Variants in TRIQK observed in about 807,000 individuals in gnomAD.
The protein encoded by TRIQK is triple QxxK/R motif containing.
In TRIQK, 10 loss-of-function variants were observed where a neutral mutation model predicts 10.8. The ratio of observed to expected loss-of-function variants is 0.92; its 90% CI spans 0.57 to 1.57. TRIQK has a LOEUF of 1.57. TRIQK is among the 40% of genes most tolerant of loss of function. The pLI is 0.00. For missense variants in TRIQK, 107 were observed against 97.7 expected, an observed-to-expected ratio of 1.09 and a Z score of -0.40; for synonymous variants, 33 against 33.7, an observed-to-expected ratio of 0.98 and a Z score of 0.07.
chr8:92,975,560 T>C (rs1025299860), intron 1 of TRIQK, among the ~76,000 whole-genome samples: 6 of 152,120 alleles, frequency 3.9e-5, no homozygotes, highest in African/African-American at 1.4e-4. Context: ...GTAGTGGCAG[T>C]TTGTCTTATT....
intron 3 of TRIQK, among the ~76,000 whole-genome samples, chr8:92,898,973 G>C (rs1004833074): frequency 1.4e-5 from 2 of 147,150 alleles, no homozygotes. Flanking sequence ...TCCTTTCTTT[G>C]TGTTGCAAAC....
chr8:92,945,879 A>G (rs567081736), intron 2 of TRIQK, among the ~76,000 whole-genome samples: 29 of 152,186 alleles, frequency 1.9e-4, no homozygotes, highest in African/African-American at 7.0e-4. Context: ...AGCAAAGAAT[A>G]GAATATAAAA....
At chr8:92,960,449 C>G (rs939876024) in intron 1 of TRIQK, 2 of 151,986 alleles carry the variant, frequency 1.3e-5, no homozygotes, top group Admixed American at 6.6e-5. Flanking sequence ...ATAATGTTCC[C>G]CCAATCCAAA....
In TRIQK at chr8:92,891,975, A is replaced by T; in HGVS notation, c.147+14T>A. 6.6e-7 allele frequency: 1 copy of T among 1,520,184 alleles called. No individual in the cohort carries two copies. The highest frequency in any genetic ancestry group is 2.5e-5 in the East Asian group (1 of 40,600). 94.2% of individuals were successfully genotyped at this position (1,520,184 alleles called of 1,614,324 possible). Reference sequence around the variant, plus strand: ...GCACATATCAAATTTTAAAGTTATCAAATAGAGGTTTACCTTTATGCCTAT... The same window carrying T: ...GCACATATCAAATTTTAAAGTTATCTAATAGAGGTTTACCTTTATGCCTAT... On this transcript the variant is annotated intron_variant, in intron 4 of 4. Coordinates refer to ENST00000521988, the MANE Select transcript of TRIQK (RefSeq NM_001171797.2).
At chr8:93,008,659 A>C (rs1289684310) in intron 1 of TRIQK, among the ~76,000 whole-genome samples, 1 of 152,242 alleles carries the variant, frequency 6.6e-6, no homozygotes, top group East Asian at 1.9e-4. Context: ...GGAAAAGATT[A>C]AACAGCTCAG....
At chr8:92,922,495 T>A (rs1045493755) in intron 2 of TRIQK, 3 of 151,830 alleles carry the variant, frequency 2.0e-5, no homozygotes, top group Non-Finnish European at 4.4e-5. Flanking sequence ...TGAGGCTATC[T>A]GCCAAAATGG....
In TRIQK at chr8:92,930,624, A is replaced by C. The variant is rs374521282; in HGVS notation, c.-21-13614T>G. ...AGGAATGAGAAGAAGCAAGGGTACC[A>C]TTAGCTTCAGGGATTCTGAGGTTCA... On this transcript the variant is annotated intron_variant, in intron 2 of 4. Coordinates refer to ENST00000521988, the MANE Select transcript of TRIQK (RefSeq NM_001171797.2). Among the ~76,000 whole-genome samples, 3 of 152,098 alleles carry C rather than the reference A, an allele frequency of 2.0e-5. No individual in the cohort carries two copies. The South Asian group carries it at 6.2e-4, about 31-fold the overall frequency.
At chr8:92,950,091 A>G (rs1489356339) in intron 2 of TRIQK, among the ~76,000 whole-genome samples, 2 of 152,176 alleles carry the variant, frequency 1.3e-5, no homozygotes, top group Admixed American at 1.3e-4. Context: ...GGCTTCTACA[A>G]AAGTATCTTT....
chr8:92,898,127 A>G (rs908727031), intron 3 of TRIQK, among the ~76,000 whole-genome samples: 1 of 152,166 alleles, frequency 6.6e-6, no homozygotes, highest in Non-Finnish European at 1.5e-5. Flanking sequence ...AATGTTAAAC[A>G]CTTGTTGTTC....
At chr8:92,962,837 A>T (rs1051783583) in intron 1 of TRIQK, among the ~76,000 whole-genome samples, 1 of 152,196 alleles carries the variant, frequency 6.6e-6, no homozygotes, top group African/African-American at 2.4e-5. Flanking sequence ...CTGTTCCGCA[A>T]TCTGAAATTT....
At chr8:92,971,868 A>G (rs576561679) in intron 1 of TRIQK, among the ~76,000 whole-genome samples, 83 of 152,308 alleles carry the variant, frequency 5.4e-4, no homozygotes, top group African/African-American at 1.9e-3. Context: ...GAACAGAGCT[A>G]GAGGCATCAC....
Position 92,923,063 on chromosome 8 carries a change from C to T in TRIQK, c.-21-6053G>A, listed in dbSNP as rs142198471. 1.9e-3 allele frequency among the ~76,000 whole-genome samples: 289 copies of T among 151,796 alleles called. 1 individual carries two copies. Among genetic ancestry groups the T allele is most frequent in the African/African-American group, 6.5e-3 (269 of 41,518 alleles). The stretch of plus-strand genomic sequence containing the variant: ...CACAAAAAAATAGAAAGCATTTTGC[C>T]TTACTAATAAACACATTGAGGCTAT... On this transcript the variant is annotated intron_variant, in intron 2 of 4. Transcript: ENST00000521988.
At chr8:92,915,768 G>C (rs941492691) in intron 3 of TRIQK, among the ~76,000 whole-genome samples, 107 of 85,250 alleles carry the variant, frequency 1.3e-3, no homozygotes, top group Middle Eastern at 6.6e-3. Context: ...CAAAGTGCTG[G>C]GATTACTGGC....
intron 1 of TRIQK, among the ~76,000 whole-genome samples, chr8:92,991,601 G>A (rs541457088): frequency 6.6e-6 from 1 of 152,138 alleles, no homozygotes; most frequent in Non-Finnish European, 1.5e-5. Flanking sequence ...CACAAGACAA[G>A]TATGCCCTCT....
chr8:93,010,374 A>G, intron 1 of TRIQK, among the ~76,000 whole-genome samples: 1 of 152,242 alleles, frequency 6.6e-6, no homozygotes, highest in African/African-American at 2.4e-5. Context: ...ATTGTACTAG[A>G]TAAGTATGTA....
chr8:93,001,360 A>C (rs2130756964), intron 1 of TRIQK, among the ~76,000 whole-genome samples: 1 of 152,160 alleles, frequency 6.6e-6, no homozygotes, highest in Non-Finnish European at 1.5e-5. Flanking sequence ...AAACCAAAAC[A>C]ATACTCAAGT....
chr8:92,957,105 T>C (rs1287120363), intron 1 of TRIQK, among the ~76,000 whole-genome samples: 1 of 151,822 alleles, frequency 6.6e-6, no homozygotes, highest in Admixed American at 6.6e-5. Flanking sequence ...AACTCAAATC[T>C]ATCTGATTAT....
At chr8:92,890,026 A>G (rs1816680547) in intron 4 of TRIQK, among the ~76,000 whole-genome samples, 1 of 151,798 alleles carries the variant, frequency 6.6e-6, no homozygotes, top group Non-Finnish European at 1.5e-5. Context: ...TAAGAGTACA[A>G]TATGCTTGTT....
chr8:92,896,585 C>T (rs1378264131), intron 3 of TRIQK, among the ~76,000 whole-genome samples: 1 of 152,138 alleles, frequency 6.6e-6, no homozygotes, highest in Non-Finnish European at 1.5e-5. Flanking sequence ...CCAACAAAGC[C>T]ATATGGGGAG....
Sources: allele counts gnomAD v4.1 joint callset (sites outside exome capture counted in the v4.1 genomes callset), GRCh38; gene constraint gnomAD v4.1.1; transcripts MANE v1.5; gene names NCBI Gene and HGNC (gene_info 2026-07-23, HGNC 2026-07-21).